Variants in FBXW7 observed in about 807,000 individuals in gnomAD.
FBXW7 encodes F-box and WD repeat domain containing 7.
FBXW7 carries 11 observed loss-of-function variants against 86.3 expected under a neutral mutation model. That is an observed-to-expected ratio of 0.13 (90% CI 0.08 to 0.21). The LOEUF (loss-of-function observed/expected upper bound fraction) is 0.21. FBXW7 is among the 10% of genes least tolerant of loss of function. FBXW7 has a pLI of 1.00. For missense variants in FBXW7, 488 were observed against 847.4 expected (o/e 0.58, Z 5.27); for synonymous variants, 313 against 297.9 (o/e 1.05, Z -0.52).
chr4:152,380,080 T>G (rs1182186610), intron 4 of FBXW7, among the ~76,000 whole-genome samples: 2 of 152,170 alleles, frequency 1.3e-5, no homozygotes, highest in African/African-American at 4.8e-5. Flanking sequence ...TACATTACAT[T>G]CAGCTCATGA....
chr4:152,499,412 C>T (rs900201171), intron 2 of FBXW7, among the ~76,000 whole-genome samples: 1 of 152,116 alleles, frequency 6.6e-6, no homozygotes, highest in African/African-American at 2.4e-5. Context: ...GCAAATTTAT[C>T]CAACATTGAG....
intron 2 of FBXW7, among the ~76,000 whole-genome samples, chr4:152,423,864 T>C (rs1739152082): frequency 6.6e-6 from 1 of 152,164 alleles, no homozygotes; most frequent in African/African-American, 2.4e-5. Flanking sequence ...AAGGAGTCAC[T>C]AGAGGAGGTT....
At chr4:152,361,965 C>CAA (rs569330155) in intron 4 of FBXW7, among the ~76,000 whole-genome samples, 1,003 of 37,004 alleles carry the variant, frequency 0.027, 13 homozygotes, top group Middle Eastern at 0.077. Context: ...GACTCCATCT[C>CAA]AAAAAAAAAA....
chr4:152,397,189 T>C (rs980640505), intron 4 of FBXW7, among the ~76,000 whole-genome samples: 1 of 152,060 alleles, frequency 6.6e-6, no homozygotes, highest in African/African-American at 2.4e-5. Flanking sequence ...AAACAGTAGT[T>C]AACGAGAAAT....
intron 2 of FBXW7, among the ~76,000 whole-genome samples, chr4:152,420,432 C>T (rs1738835769): frequency 6.6e-6 from 1 of 152,060 alleles, no homozygotes. Flanking sequence ...ATATTTTGAC[C>T]CCCTCCCATA....
At position 152,535,668 on chromosome 4, in the gene FBXW7, CT is replaced by C; in HGVS notation, c.-755del. On this transcript the variant is annotated 5_prime_UTR_variant, in exon 1 of 14. Coordinates refer to ENST00000281708, the MANE Select transcript of FBXW7 (RefSeq NM_001349798.2). The stretch of plus-strand genomic sequence containing the variant: ...ATGTGTCGCTGCGGCTGGGACCCCC[CT>C]CCCTACACCTTGGGGGTCTCGCCCC... 1 of 396,350 alleles carries C rather than the reference CT, an allele frequency of 2.5e-6. No individual in the cohort carries two copies. The highest frequency in any genetic ancestry group is 4.5e-6 in the Non-Finnish European group (1 of 224,500). 24.6% of individuals were successfully genotyped at this position (396,350 alleles called of 1,614,324 possible).
intron 2 of FBXW7, among the ~76,000 whole-genome samples, chr4:152,487,749 T>A (rs1470060039): frequency 6.6e-6 from 1 of 152,086 alleles, no homozygotes; most frequent in African/African-American, 2.4e-5. Flanking sequence ...TTCTTCCTTG[T>A]ATTTTTTATA....
At chr4:152,324,020 C>T (rs553031182) in intron 13 of FBXW7, 164 bp downstream of exon 13, 16 of 600,704 alleles carry the variant, frequency 2.7e-5, no homozygotes, top group East Asian at 5.5e-5. Context: ...AACATTTCCT[C>T]AAGAGTAGAC....
intron 4 of FBXW7, among the ~76,000 whole-genome samples, chr4:152,381,691 T>C (rs529239027): frequency 6.6e-6 from 1 of 152,196 alleles, no homozygotes; most frequent in South Asian, 2.1e-4. Context: ...ATTTTTATTT[T>C]ATATAACAGC....
At chr4:152,384,969 A>T (rs933633702) in intron 4 of FBXW7, among the ~76,000 whole-genome samples, 1 of 152,090 alleles carries the variant, frequency 6.6e-6, no homozygotes, top group African/African-American at 2.4e-5. Flanking sequence ...TTCCAACATA[A>T]GACTAATTGT....
intron 2 of FBXW7, among the ~76,000 whole-genome samples, chr4:152,462,001 A>C (rs1434824452): frequency 6.6e-6 from 1 of 152,218 alleles, no homozygotes; most frequent in African/African-American, 2.4e-5. Flanking sequence ...GATTCCAAGA[A>C]CCTATCAATA....
intron 4 of FBXW7, among the ~76,000 whole-genome samples, chr4:152,385,584 T>G (rs1241639058): frequency 1.3e-5 from 2 of 152,032 alleles, no homozygotes; most frequent in South Asian, 2.1e-4. Context: ...AAAGTTACTA[T>G]GAAGTAAAGC....
intron 2 of FBXW7, among the ~76,000 whole-genome samples, chr4:152,484,353 A>C (rs1362128976): frequency 6.6e-6 from 1 of 152,196 alleles, no homozygotes; most frequent in East Asian, 1.9e-4. Context: ...TGCCTTTAAA[A>C]GAGATTATAG....
At chr4:152,386,394 AG>A (rs1449748836) in intron 4 of FBXW7, among the ~76,000 whole-genome samples, 1 of 152,100 alleles carries the variant, frequency 6.6e-6, no homozygotes, top group Non-Finnish European at 1.5e-5. Flanking sequence ...AGTTGATATA[AG>A]TATACAGAGT....
intron 6 of FBXW7, among the ~76,000 whole-genome samples, chr4:152,342,463 A>C (rs1178371763): frequency 6.6e-6 from 1 of 152,212 alleles, no homozygotes; most frequent in Non-Finnish European, 1.5e-5. Flanking sequence ...GTGGCTGAAG[A>C]CATTTTATTT....
chr4:152,516,750 T>A (rs1266931648), intron 2 of FBXW7, among the ~76,000 whole-genome samples: 1 of 152,242 alleles, frequency 6.6e-6, no homozygotes, highest in Non-Finnish European at 1.5e-5. Context: ...TTAAAGAAAG[T>A]GTAACTTCTA....
chr4:152,353,058 A>C, intron 4 of FBXW7: 1 of 1,102,034 alleles, frequency 9.1e-7, no homozygotes, highest in Non-Finnish European at 1.1e-6. Context: ...TTATTTTTGT[A>C]TTTTGTAAAA....
At chr4:152,361,349 T>C (rs1000630817) in intron 4 of FBXW7, among the ~76,000 whole-genome samples, 1 of 152,126 alleles carries the variant, frequency 6.6e-6, no homozygotes, top group African/African-American at 2.4e-5. Context: ...TATACATATA[T>C]ATACTTTAAC....
intron 4 of FBXW7, among the ~76,000 whole-genome samples, chr4:152,358,758 A>G (rs1732639524): frequency 6.6e-6 from 1 of 152,160 alleles, no homozygotes; most frequent in South Asian, 2.1e-4. Context: ...CTACCTTACC[A>G]CCTAAACTAC....
Sources: allele counts gnomAD v4.1 joint callset (sites outside exome capture counted in the v4.1 genomes callset), GRCh38; gene constraint gnomAD v4.1.1; transcripts MANE v1.5; gene names NCBI Gene and HGNC (gene_info 2026-07-23, HGNC 2026-07-21).